The following RELN variants were observed in gnomAD, a reference collection of about 807,000 sequenced individuals.
The protein encoded by RELN is reelin.
A neutral mutation model predicts 427.6 loss-of-function variants in RELN; 108 were observed. The observed-to-expected ratio is 0.25, with a 90% CI of 0.22 to 0.30. The LOEUF (loss-of-function observed/expected upper bound fraction) is 0.30, where lower values mean the gene tolerates loss of function less well. Ranked by LOEUF, RELN falls within the 10% of genes least tolerant of loss-of-function variation. The pLI is 1.00. For synonymous variants in RELN, 1,524 were observed against 1,513.4 expected (o/e 1.01, Z -0.16); for missense variants, 3,715 against 4,302.8 (o/e 0.86, Z 3.82).
At chr7:103,816,212 C>T (rs1792865188) in intron 3 of RELN, among the ~76,000 whole-genome samples, 1 of 152,066 alleles carries the variant, frequency 6.6e-6, no homozygotes, top group Admixed American at 6.6e-5. Flanking sequence ...AACCCCAGCT[C>T]TAGTAAACAT....
intron 28 of RELN, among the ~76,000 whole-genome samples, chr7:103,579,726 C>T (rs1404783712): frequency 6.6e-6 from 1 of 151,872 alleles, no homozygotes; most frequent in African/African-American, 2.4e-5. Flanking sequence ...CCCTTTGTTT[C>T]CTTTCCCAAT....
chr7:103,710,373 C>T (rs575917974), intron 8 of RELN, among the ~76,000 whole-genome samples: 13 of 152,254 alleles, frequency 8.5e-5, no homozygotes, highest in East Asian at 1.9e-4. Context: ...GATACAGCTA[C>T]GTAGTTTACT....
At chr7:103,701,112 T>G (rs1475405999) in intron 8 of RELN, 106 bp from the exon 9 acceptor site, 1 of 725,164 alleles carries the variant, frequency 1.4e-6, no homozygotes, top group East Asian at 2.7e-5. Flanking sequence ...TAGATATTTG[T>G]CTGGTAACTT....
At chr7:103,867,345 G>A (rs1411723299) in intron 2 of RELN, among the ~76,000 whole-genome samples, 1 of 150,690 alleles carries the variant, frequency 6.6e-6, no homozygotes, top group African/African-American at 2.4e-5. Context: ...CAACCCCTAA[G>A]AGAAAGATTA....
intron 7 of RELN, among the ~76,000 whole-genome samples, chr7:103,727,044 T>TATTCA (rs1229406931): frequency 6.6e-5 from 10 of 152,202 alleles, no homozygotes; most frequent in Admixed American, 3.9e-4. Context: ...ATGAAAGGGG[T>TATTCA]ATTCAAGCAT....
At chr7:103,874,798 A>G (rs1794437623) in intron 2 of RELN, among the ~76,000 whole-genome samples, 1 of 150,242 alleles carries the variant, frequency 6.7e-6, no homozygotes. Flanking sequence ...TCATTTACAG[A>G]TTCAATGCCA....
At chr7:103,970,563 G>C (rs960714930) in intron 1 of RELN, among the ~76,000 whole-genome samples, 1 of 152,046 alleles carries the variant, frequency 6.6e-6, no homozygotes, top group Non-Finnish European at 1.5e-5. Flanking sequence ...AGGTTGTCTA[G>C]TGTTCCTAAG....
chr7:103,545,527 T>C (rs796693201), intron 41 of RELN, among the ~76,000 whole-genome samples, 183 bp from the exon 42 acceptor site: 2 of 152,178 alleles, frequency 1.3e-5, no homozygotes, highest in African/African-American at 4.8e-5. Flanking sequence ...GCCAATAAAG[T>C]TCTTGTTTCT....
chr7:103,606,836 C>G (rs952144395), intron 22 of RELN, among the ~76,000 whole-genome samples: 1 of 151,886 alleles, frequency 6.6e-6, no homozygotes, highest in Non-Finnish European at 1.5e-5. Context: ...GGGGACAATT[C>G]CACTTAAAAC....
At chr7:103,600,588 T>G (rs1831642230) in intron 24 of RELN, among the ~76,000 whole-genome samples, 1 of 152,214 alleles carries the variant, frequency 6.6e-6, no homozygotes, top group African/African-American at 2.4e-5. Context: ...CAGCCCCATT[T>G]AAGCCCTCCT....
At chr7:103,480,955 C>A (rs976689550) in intron 63 of RELN, among the ~76,000 whole-genome samples, 40 of 152,270 alleles carry the variant, frequency 2.6e-4, no homozygotes, top group African/African-American at 9.4e-4. Flanking sequence ...AAATATGGAG[C>A]TTGATGCTGG....
intron 2 of RELN, among the ~76,000 whole-genome samples, chr7:103,892,135 G>A (rs1414014242): frequency 6.6e-6 from 1 of 152,188 alleles, no homozygotes; most frequent in Non-Finnish European, 1.5e-5. Context: ...AGCCAAGACA[G>A]TTAAGAAGAA....
At chr7:103,739,249 A>T (rs1790576879) in intron 6 of RELN, among the ~76,000 whole-genome samples, 1 of 152,256 alleles carries the variant, frequency 6.6e-6, no homozygotes, top group South Asian at 2.1e-4. Context: ...TTTAATTCAT[A>T]AAAAGAAACT....
rs147458196 is a variant in RELN at position 103,821,536 on chromosome 7, C to T, written c.473+12001G>A. Reference sequence around the variant, plus strand: ...TATTATGGTGCTGAGATGAGCCAGGCGGTAACCAAAATTAAAGAATACTTT... The same window carrying T: ...TATTATGGTGCTGAGATGAGCCAGGTGGTAACCAAAATTAAAGAATACTTT... On this transcript the variant is annotated intron_variant, in intron 3 of 64. Coordinates refer to ENST00000428762, the MANE Select transcript of RELN (RefSeq NM_005045.4). 2.2e-4 allele frequency among the ~76,000 whole-genome samples: 33 copies of T among 152,168 alleles called. No homozygotes were observed. In the East Asian group the frequency reaches 5.6e-3, roughly 26 times the overall value.
Position 103,989,391 on chromosome 7 carries a change from C to T in RELN, c.-35G>A, listed in dbSNP as rs746380201. The stretch of plus-strand genomic sequence containing the variant: ...GCCGCCGCCGCCGCCGCGCGCCCTA[C>T]GCGCCGCTCGCTCATTCAGTTTTGG... On this transcript the variant is annotated 5_prime_UTR_variant, in exon 1 of 65. Transcript: ENST00000428762. The surrounding 1 kb of genome is among the most constrained non-coding windows in gnomAD (Gnocchi z 4.9). The T allele has an allele frequency of 1.4e-5, 16 of 1,178,148 alleles. No individual in the cohort carries two copies. Among genetic ancestry groups the T allele is most frequent in the Admixed American group, 3.3e-5 (1 of 30,202 alleles). The allele number at this position is 1,178,148 out of a possible 1,614,324, so 73.0% of individuals were successfully genotyped here. A position where few individuals can be genotyped will look rare whatever the true frequency, so the allele number is the denominator to read the frequency against.
chr7:103,861,211 T>C (rs186448735), intron 2 of RELN, among the ~76,000 whole-genome samples: 56 of 152,284 alleles, frequency 3.7e-4, no homozygotes, highest in African/African-American at 1.3e-3. Context: ...TTCAATTCTC[T>C]GTGAAATCTT....
At chr7:103,597,559 GCCACTGCAC>G (rs1050920366) in intron 24 of RELN, among the ~76,000 whole-genome samples, 1 of 152,102 alleles carries the variant, frequency 6.6e-6, no homozygotes, top group Non-Finnish European at 1.5e-5. Flanking sequence ...GCGAGATCAG[GCCACTGCAC>G]CCCAGCTTGG....
chr7:103,801,383 A>G (rs1792461040), intron 3 of RELN, among the ~76,000 whole-genome samples: 1 of 152,240 alleles, frequency 6.6e-6, no homozygotes, highest in Non-Finnish European at 1.5e-5. Flanking sequence ...CATATACACC[A>G]TGGAATACTA....
chr7:103,768,245 G>A (rs1791473725), intron 4 of RELN, among the ~76,000 whole-genome samples: 1 of 151,928 alleles, frequency 6.6e-6, no homozygotes, highest in Non-Finnish European at 1.5e-5. Context: ...ATACAGCCCA[G>A]CCAACCCCGC....
Sources: gnomAD v4.1 joint callset for allele counts (sites outside exome capture counted in the v4.1 genomes callset) on GRCh38, gnomAD v4.1.1 for gene constraint, Gnocchi (gnomAD v3.1) non-coding constraint, MANE v1.5 for transcripts, NCBI Gene and HGNC (gene_info 2026-07-23, HGNC 2026-07-21) for gene names.